The following CLEC17A variants were observed in gnomAD, a reference collection of about 807,000 sequenced individuals.
The protein encoded by CLEC17A is C-type lectin domain containing 17A.
Under a neutral mutation model 61.3 loss-of-function variants are expected in CLEC17A, and 37 were observed. That is an observed-to-expected ratio of 0.60 (90% CI 0.46 to 0.79). The LOEUF is 0.79. Ranked by LOEUF, CLEC17A falls within the 30% of genes least tolerant of loss-of-function variation. The pLI is 0.00. For synonymous variants in CLEC17A, 168 were observed against 164.9 expected (o/e 1.02, Z -0.14); for missense variants, 418 against 464.7 (o/e 0.90, Z 0.92).
At position 14,587,782 on chromosome 19, in the gene CLEC17A, T is replaced by C. The variant is rs535279829; in HGVS notation, c.199+91T>C. 53 of 1,574,170 alleles carry C rather than the reference T, an allele frequency of 3.4e-5. 1 individual carries two copies. The African/African-American group carries it at 5.8e-4, about 17-fold the overall frequency. Reference sequence around the variant, plus strand: ...TTGGGCATTGTAGACACACAGTCAGTCTCCTCTCTACACAGCCCATGCCGG... The same window carrying C: ...TTGGGCATTGTAGACACACAGTCAGCCTCCTCTCTACACAGCCCATGCCGG... On this transcript the variant is annotated intron_variant, in intron 3 of 13. Coordinates refer to ENST00000417570, the MANE Select transcript of CLEC17A (RefSeq NM_001204118.2).
chr19:14,587,785 C>G (rs1181495842), intron 3 of CLEC17A, 94 bp downstream of exon 3: 1 of 1,569,902 alleles, frequency 6.4e-7, no homozygotes, highest in East Asian at 2.4e-5. Flanking sequence ...CAGTCAGTCT[C>G]CTCTCTACAC....
At chr19:14,607,389 G>A (rs1351823754) in intron 13 of CLEC17A, among the ~76,000 whole-genome samples, 4 of 151,478 alleles carry the variant, frequency 2.6e-5, no homozygotes, top group African/African-American at 9.7e-5. Flanking sequence ...ATTTTTAGTA[G>A]AGACGGGGTT....
intron 12 of CLEC17A, among the ~76,000 whole-genome samples, chr19:14,600,480 C>T (rs892302913): frequency 6.6e-6 from 1 of 152,164 alleles, no homozygotes; most frequent in Non-Finnish European, 1.5e-5. Context: ...TTTTATGTTT[C>T]AGGTTGCATT....
At chr19:14,587,034 A>T (rs9305042) in intron 2 of CLEC17A, among the ~76,000 whole-genome samples, 13 of 151,206 alleles carry the variant, frequency 8.6e-5, no homozygotes, top group Admixed American at 3.3e-4. Context: ...GATTACAGGC[A>T]GGCACCACCA....
chr19:14,581,642 T>C (rs2074183760), upstream of CLEC17A, among the ~76,000 whole-genome samples: 1 of 150,936 alleles, frequency 6.6e-6, no homozygotes, highest in Non-Finnish European at 1.5e-5. Flanking sequence ...AGAAATGGAT[T>C]ATATGGATTA....
chr19:14,599,911 A>G (rs2074661768), intron 11 of CLEC17A, 99 bp downstream of exon 11: 1 of 1,496,662 alleles, frequency 6.7e-7, no homozygotes, highest in South Asian at 1.3e-5. Flanking sequence ...GTCTATGTGA[A>G]TGGTGCCCCT....
intron 12 of CLEC17A, among the ~76,000 whole-genome samples, chr19:14,601,577 G>C (rs1341665915): frequency 6.6e-6 from 1 of 152,030 alleles, no homozygotes; most frequent in East Asian, 1.9e-4. Flanking sequence ...TCAAGTCCAT[G>C]GTCTTGACCA....
At chr19:14,587,567 G>C in intron 2 of CLEC17A, 47 bp from the exon 3 acceptor site, 1 of 1,527,234 alleles carries the variant, frequency 6.5e-7, no homozygotes, top group Non-Finnish European at 8.8e-7. Flanking sequence ...TTGAGGGATG[G>C]AGGGAGGAGG....
At chr19:14,583,722 G>A (rs1431466539) in intron 2 of CLEC17A, among the ~76,000 whole-genome samples, 1 of 152,132 alleles carries the variant, frequency 6.6e-6, no homozygotes, top group Non-Finnish European at 1.5e-5. Flanking sequence ...GGGCTTGAGG[G>A]ATGAGTAGAC....
chr19:14,596,793 C>G, intron 8 of CLEC17A, 83 bp from the exon 9 acceptor site: 3 of 1,487,382 alleles, frequency 2.0e-6, no homozygotes, highest in East Asian at 2.4e-5. Context: ...CTGCCCCCTG[C>G]TCTTGGACAA....
At chr19:14,606,507 C>T (rs1475837143) in intron 12 of CLEC17A, among the ~76,000 whole-genome samples, 4 of 151,962 alleles carry the variant, frequency 2.6e-5, no homozygotes, top group East Asian at 1.9e-4. Context: ...GGCGAAAGCC[C>T]GTTTCTACTA....
intron 2 of CLEC17A, chr19:14,584,526 T>A (rs2074242852): frequency 6.6e-6 from 1 of 152,296 alleles, no homozygotes; most frequent in African/African-American, 2.4e-5. Context: ...GATGGCCTGG[T>A]CCTGGTGACC....
At position 14,610,899 on chromosome 19, in the gene CLEC17A, C is replaced by T. The variant is rs1286482766; in HGVS notation, c.*703C>T. The T allele has an allele frequency of 6.6e-6, 1 of 152,184 alleles. No individual in the cohort carries two copies. Among genetic ancestry groups the T allele is most frequent in the Middle Eastern group, 3.4e-3 (1 of 294 alleles). 9.4% of individuals were successfully genotyped at this position (152,184 alleles called of 1,614,324 possible). ...CTGGTCTCAAACTCCTGGGGTCAAG[C>T]AATCCTTCCGTGATGGCCTCCCAAA... is the stretch of plus-strand genomic sequence containing the variant. On this transcript the variant is annotated 3_prime_UTR_variant, in exon 14 of 14. Coordinates refer to ENST00000417570, the MANE Select transcript of CLEC17A (RefSeq NM_001204118.2).
chr19:14,597,055 G>A, intron 9 of CLEC17A, 42 bp downstream of exon 9: 1 of 1,611,672 alleles, frequency 6.2e-7, no homozygotes, highest in Non-Finnish European at 8.5e-7. Flanking sequence ...GATTGGGGAG[G>A]GTGCACAGGA....
intron 12 of CLEC17A, among the ~76,000 whole-genome samples, chr19:14,601,264 C>T (rs962659255): frequency 1.2e-4 from 19 of 152,016 alleles, no homozygotes; most frequent in East Asian, 7.7e-4. Flanking sequence ...TGAAAGTAGA[C>T]GAGGGAAATC....
At position 14,587,624 on chromosome 19, in the gene CLEC17A, G is replaced by A; in HGVS notation, c.132G>A (p.Glu44=). 1 of 1,596,784 alleles carries A rather than the reference G, an allele frequency of 6.3e-7. No homozygotes were observed. Among genetic ancestry groups the A allele is most frequent in the Non-Finnish European group, 8.5e-7 (1 of 1,171,782 alleles). The change falls in exon 3 of 14, where the codon GAG becomes GAA. Residue 44 remains glutamate (E), a synonymous_variant. Transcript: ENST00000417570. ...CCTTTCCCCTGGAAGGGACCATGGA[G>A]GAGGAGGAGGAGGATGATGACTATG... is the stretch of plus-strand genomic sequence containing the variant. The part of the protein sequence containing the change: ...KDLPPKPGTM[E]EEEEDDDYEN...
At chr19:14,592,208 A>G (rs2074437033) in intron 3 of CLEC17A, 73 bp from the exon 4 acceptor site, 6 of 1,454,528 alleles carry the variant, frequency 4.1e-6, no homozygotes, top group Non-Finnish European at 5.6e-6. Context: ...GGGGCAGCTG[A>G]GGCAGAGACC....
intron 12 of CLEC17A, among the ~76,000 whole-genome samples, chr19:14,603,708 T>C (rs2074782268): frequency 6.6e-6 from 1 of 152,076 alleles, no homozygotes; most frequent in Non-Finnish European, 1.5e-5. Flanking sequence ...TCAAGTGATC[T>C]GCTCCCCTTG....
intron 4 of CLEC17A, among the ~76,000 whole-genome samples, chr19:14,593,959 C>A (rs138513656): frequency 0.018 from 2,621 of 144,000 alleles, 57 homozygotes; most frequent in South Asian, 0.035. Flanking sequence ...GAGACTCTGT[C>A]TCATAAAACA....
Sources: gnomAD v4.1 joint callset for allele counts (sites outside exome capture counted in the v4.1 genomes callset) on GRCh38, gnomAD v4.1.1 for gene constraint, MANE v1.5 for transcripts, NCBI Gene and HGNC (gene_info 2026-07-23, HGNC 2026-07-21) for gene names.